BEGAIN: variants seen among roughly 807,000 people sequenced by gnomAD.
BEGAIN encodes the protein brain-enriched guanylate kinase-associated protein.
In BEGAIN, 19 loss-of-function variants were observed where a neutral mutation model predicts 35.8. The ratio of observed to expected loss-of-function variants is 0.53; its 90% CI spans 0.37 to 0.78. The LOEUF is 0.78. Ranked by LOEUF, BEGAIN falls within the 30% of genes least tolerant of loss-of-function variation. The pLI is 0.00. For missense variants in BEGAIN, 795 were observed against 853.6 expected (o/e 0.93, Z 0.85); for synonymous variants, 462 against 388.6 (o/e 1.19, Z -2.22).
chr14:100,573,105 G>A lies in BEGAIN; in HGVS notation c.43-5166C>T, dbSNP rs1181024762. ...GGAAAGGGGTGCAGTGATGAACACA[G>A]AGGCCCGGATGAAGTGAGCTGAGCC... On this transcript the variant is annotated intron_variant, in intron 1 of 6. Coordinates refer to ENST00000554140, the MANE Select transcript of BEGAIN (RefSeq NM_001385089.1). This position sits in a 1 kb window ranked among gnomAD's most constrained non-coding sequence, Gnocchi z 4.2. Among the ~76,000 whole-genome samples the A allele has an allele frequency of 1.3e-5, 2 of 151,742 alleles. No individual in the cohort carries two copies. Among genetic ancestry groups the A allele is most frequent in the African/African-American group, 4.9e-5 (2 of 41,236 alleles).
At chr14:100,577,726 G>A (rs948546427) in intron 1 of BEGAIN, 8 of 399,118 alleles carry the variant, frequency 2.0e-5, no homozygotes, top group Middle Eastern at 6.3e-4. Context: ...CTGGGCTGGC[G>A]ACACCCGGGC....
chr14:100,552,382 C>T (rs570896916), intron 2 of BEGAIN, among the ~76,000 whole-genome samples: 1 of 152,322 alleles, frequency 6.6e-6, no homozygotes, highest in East Asian at 1.9e-4. Context: ...TTCTCATTCT[C>T]AGCCTGTGGC....
At position 100,568,365 on chromosome 14, in the gene BEGAIN, A is replaced by G; in HGVS notation, c.43-426T>C. On this transcript the variant is annotated intron_variant, in intron 1 of 6. Transcript: ENST00000554140. This position sits in a 1 kb window ranked among gnomAD's most constrained non-coding sequence, Gnocchi z 7.5. ...CGCGCTCCCTCCCGGAGGAAGCCGAACCCCGGAATCGCAGAACCTCCGAGT... is the reference window on the plus strand; with the variant it reads ...CGCGCTCCCTCCCGGAGGAAGCCGAGCCCCGGAATCGCAGAACCTCCGAGT... The G allele has an allele frequency of 1.7e-6, 2 of 1,168,580 alleles. No individual in the cohort carries two copies. The highest frequency in any genetic ancestry group is 1.6e-5 in the African/African-American group (1 of 62,724). 72.4% of individuals were successfully genotyped at this position (1,168,580 alleles called of 1,614,324 possible). A position where few individuals can be genotyped will look rare whatever the true frequency, so the allele number is the denominator to read the frequency against.
In BEGAIN at chr14:100,540,267, G is replaced by A. The variant is rs532234533; in HGVS notation, c.492+229C>T. The A allele has an allele frequency of 1.1e-5, 6 of 555,222 alleles. No individual in the cohort carries two copies. The South Asian group carries it at 1.4e-4, about 13-fold the overall frequency. The allele number at this position is 555,222 out of a possible 1,614,324, so 34.4% of individuals were successfully genotyped here. A position where few individuals can be genotyped will look rare whatever the true frequency, so the allele number is the denominator to read the frequency against. On this transcript the variant is annotated intron_variant, in intron 6 of 6. Transcript: ENST00000554140. ...CCGAGGGCAACCAGCAGCCGGGGTG[G>A]GCCAAAGGGACTCTGGTGAGGGCCA... is the stretch of plus-strand genomic sequence containing the variant.
Position 100,563,774 on chromosome 14 carries a change from C to A in BEGAIN, c.71+4137G>T, listed in dbSNP as rs541235581. Among the ~76,000 whole-genome samples, 1 of 152,354 alleles carries A rather than the reference C, an allele frequency of 6.6e-6. No individual in the cohort carries two copies. Among genetic ancestry groups the A allele is most frequent in the Middle Eastern group, 3.4e-3 (1 of 294 alleles). ...CGCACAGGAGTTTCCTAAGGTGGCC[C>A]AGGCTGCACAGTGCCCGGCAGTCTG... On this transcript the variant is annotated intron_variant, in intron 2 of 6. Transcript: ENST00000554140. The surrounding 1 kb of genome is among the most constrained non-coding windows in gnomAD (Gnocchi z 4.2).
chr14:100,538,922 C>A lies in BEGAIN; in HGVS notation c.886G>T (p.Ala296Ser). The A allele has an allele frequency of 1.2e-6, 2 of 1,607,692 alleles. No homozygotes were observed. The highest frequency in any genetic ancestry group is 1.7e-6 in the Non-Finnish European group (2 of 1,177,886). Residue 296 changes from alanine (A) to serine (S), a missense_variant, in exon 7 of 7, where the codon GCC (alanine) becomes TCC (serine). By Grantham distance (99) the Ala-to-Ser change is moderately conservative. Around this residue, in one of 3 missense-constraint regions of BEGAIN, gnomAD observed 664 missense variants for 647.7 expected, o/e 1.03. Coordinates refer to ENST00000554140, the MANE Select transcript of BEGAIN (RefSeq NM_001385089.1). ...TCATGCTGGAAGCCCGCCGGGAAGG[C>A]CGCCGCCTCGGCCTCCTCCTCCTCC... is the stretch of plus-strand genomic sequence containing the variant. ...AEEEEEAEAA[A>S]FPAGFQHEAF... is the part of the protein sequence containing the mutation.
chr14:100,559,228 C>A (rs1454247666), intron 2 of BEGAIN, among the ~76,000 whole-genome samples: 2 of 152,040 alleles, frequency 1.3e-5, no homozygotes, highest in Non-Finnish European at 2.9e-5. Flanking sequence ...TCCTGGGCAC[C>A]CCTGCCTGGG....
At chr14:100,585,695 C>A (rs1407598823) in intron 1 of BEGAIN, among the ~76,000 whole-genome samples, 1 of 152,026 alleles carries the variant, frequency 6.6e-6, no homozygotes, top group East Asian at 2.0e-4. Context: ...TGGGCTCTGA[C>A]AGGTGTCCCC....
In BEGAIN at chr14:100,568,981, T is replaced by A; in HGVS notation, c.43-1042A>T. 1 of 980,088 alleles carries A rather than the reference T, an allele frequency of 1.0e-6. No individual in the cohort carries two copies. Among genetic ancestry groups the A allele is most frequent in the Non-Finnish European group, 1.2e-6 (1 of 826,622 alleles). 60.7% of individuals were successfully genotyped at this position (980,088 alleles called of 1,614,324 possible). A position where few individuals can be genotyped will look rare whatever the true frequency, so the allele number is the denominator to read the frequency against. On this transcript the variant is annotated intron_variant, in intron 1 of 6. Transcript: ENST00000554140. The surrounding 1 kb of genome is among the most constrained non-coding windows in gnomAD (Gnocchi z 7.5). The stretch of plus-strand genomic sequence containing the variant: ...CCGCCGGGAGCGCGCTCCGCTCGGG[T>A]CCGGGCCCCACGCCGCCTCCCCCAC...
intron 2 of BEGAIN, chr14:100,550,309 A>T: frequency 2.5e-6 from 1 of 397,368 alleles, no homozygotes; most frequent in Non-Finnish European, 4.4e-6. Context: ...CTTCACCTTC[A>T]CCTTCTGGGC....
At chr14:100,544,337 C>T (rs184912888) in intron 4 of BEGAIN, among the ~76,000 whole-genome samples, 1 of 152,308 alleles carries the variant, frequency 6.6e-6, no homozygotes, top group Admixed American at 6.5e-5. Context: ...GGCCGGTGTC[C>T]AGGCACCCAG....
chr14:100,537,838 C>G lies in BEGAIN; in HGVS notation c.*131G>C. On this transcript the variant is annotated 3_prime_UTR_variant, in exon 7 of 7. Transcript: ENST00000554140. Reference sequence around the variant, plus strand: ...ACAGGGCTGGGGAGGAGAGGAGGTGCGGGGAGGAACAGACTCCTCGTTGTT... The same window carrying G: ...ACAGGGCTGGGGAGGAGAGGAGGTGGGGGGAGGAACAGACTCCTCGTTGTT... 1 of 1,331,590 alleles carries G rather than the reference C, an allele frequency of 7.5e-7. No individual in the cohort carries two copies. The highest frequency in any genetic ancestry group is 2.7e-4 in the Middle Eastern group (1 of 3,704). The allele number at this position is 1,331,590 out of a possible 1,614,324, so 82.5% of individuals were successfully genotyped here. A position where few individuals can be genotyped will look rare whatever the true frequency, so the allele number is the denominator to read the frequency against.
chr14:100,545,448 A>G lies in BEGAIN; in HGVS notation c.234-382T>C, dbSNP rs900660007. The G allele has an allele frequency of 5.5e-5, 58 of 1,046,344 alleles. No individual in the cohort carries two copies. In the African/African-American group the frequency reaches 9.4e-4, roughly 17 times the overall value. The allele number at this position is 1,046,344 out of a possible 1,614,324, so 64.8% of individuals were successfully genotyped here. A position where few individuals can be genotyped will look rare whatever the true frequency, so the allele number is the denominator to read the frequency against. On this transcript the variant is annotated intron_variant, in intron 3 of 6. Coordinates refer to ENST00000554140, the MANE Select transcript of BEGAIN (RefSeq NM_001385089.1). Reference sequence around the variant, plus strand: ...GTTGACAGTTCAAATGCAAATGAGCAGGGAAGAAACTTAACACTAACTATG... The same window carrying G: ...GTTGACAGTTCAAATGCAAATGAGCGGGGAAGAAACTTAACACTAACTATG...
In BEGAIN at chr14:100,586,317, T is replaced by C. The variant is rs1307200737; in HGVS notation, c.42+932A>G. On this transcript the variant is annotated intron_variant, in intron 1 of 6. Coordinates refer to ENST00000554140, the MANE Select transcript of BEGAIN (RefSeq NM_001385089.1). The surrounding 1 kb of genome is among the most constrained non-coding windows in gnomAD (Gnocchi z 4.9). ...GGCTGTGGAGACCCCGCCCCACCCA[T>C]ACCCCCAGGGCCTGGACCCCCAGTC... is the stretch of plus-strand genomic sequence containing the variant. 6.6e-6 allele frequency among the ~76,000 whole-genome samples: 1 copy of C among 151,252 alleles called. No individual in the cohort carries two copies. The highest frequency in any genetic ancestry group is 2.0e-4 in the East Asian group (1 of 5,118).
Position 100,546,670 on chromosome 14 carries a change from G to T in BEGAIN, c.72-8C>A. On this transcript the variant is annotated splice_polypyrimidine_tract_variant and splice_region_variant and intron_variant, in intron 2 of 6. Coordinates refer to ENST00000554140, the MANE Select transcript of BEGAIN (RefSeq NM_001385089.1). ...TTCTGCTCCTGCAGCGCGCTGCAAC[G>T]ACATGGCGGCGGCGGGCCGGGCCGC... 1 of 1,552,972 alleles carries T rather than the reference G, an allele frequency of 6.4e-7. No homozygotes were observed. The highest frequency in any genetic ancestry group is 8.7e-7 in the Non-Finnish European group (1 of 1,154,602).
intron 2 of BEGAIN, among the ~76,000 whole-genome samples, chr14:100,566,999 C>A (rs1423484283): frequency 2.0e-5 from 3 of 152,188 alleles, no homozygotes; most frequent in Admixed American, 2.0e-4. Flanking sequence ...GGGCTCTGCT[C>A]CTTGGGGGAG....
In BEGAIN at chr14:100,585,904, C is replaced by G. The variant is rs143585753; in HGVS notation, c.42+1345G>C. On this transcript the variant is annotated intron_variant, in intron 1 of 6. Transcript: ENST00000554140. ...GCGCAGCCGCCCATCGCCCAGAGCC[C>G]GTGTGCTGAGCCCGGGCAGAGCCGC... Among the ~76,000 whole-genome samples the G allele has an allele frequency of 5.6e-3, 851 of 152,386 alleles. 12 individuals are homozygous for G. Among genetic ancestry groups the G allele is most frequent in the African/African-American group, 0.019 (796 of 41,594 alleles).
At chr14:100,552,901 G>A (rs774232743) in intron 2 of BEGAIN, among the ~76,000 whole-genome samples, 1 of 152,250 alleles carries the variant, frequency 6.6e-6, no homozygotes, top group East Asian at 1.9e-4. Context: ...GACCTGCCAA[G>A]AGACCTTGCC....
intron 2 of BEGAIN, among the ~76,000 whole-genome samples, chr14:100,555,509 CATTT>C (rs1256601989): frequency 6.6e-6 from 1 of 152,230 alleles, no homozygotes; most frequent in Non-Finnish European, 1.5e-5. Context: ...TGCACCCATT[CATTT>C]AGTCCTCAGA....
Sources: allele counts gnomAD v4.1 joint callset (sites outside exome capture counted in the v4.1 genomes callset), GRCh38; gene constraint gnomAD v4.1.1; regional missense constraint gnomAD v4.1.1; non-coding constraint Gnocchi (gnomAD v3.1); transcripts MANE v1.5; gene names NCBI Gene and HGNC (gene_info 2026-07-23, HGNC 2026-07-21).